FHDC1: variants seen among roughly 807,000 people sequenced by gnomAD.
FHDC1 encodes FH2 domain containing 1, also known as FH2 domain-containing protein 1.
In FHDC1, 25 loss-of-function variants were observed where a neutral mutation model predicts 52.6. That is an observed-to-expected ratio of 0.48 (90% CI 0.35 to 0.66). The LOEUF (loss-of-function observed/expected upper bound fraction) is 0.66. Ranked by LOEUF, FHDC1 falls within the 30% of genes least tolerant of loss-of-function variation. The pLI, the probability that FHDC1 is intolerant of heterozygous loss-of-function variation, is 0.01. For synonymous variants in FHDC1, 616 were observed against 581.5 expected (o/e 1.06, Z -0.85); for missense variants, 1,459 against 1,452.8 (o/e 1.00, Z -0.07).
At position 152,972,428 on chromosome 4, in the gene FHDC1, G is replaced by A; in HGVS notation, c.1270G>A (p.Asp424Asn). ...GGAATGCTGGAAACAAGAGCTCCAG[G>A]ATGAGGCCTACACCCTTATAGATTT... ...ELECWKQELQ[D>N]EAYTLIDFFC... The change falls in exon 11 of 12, where the codon GAT (aspartate) becomes AAT (asparagine). Residue 424 changes from aspartate to asparagine, a missense_variant. Physicochemically the swap from Asp to Asn is conservative, Grantham distance 23 (BLOSUM62 1). Coordinates refer to ENST00000511601, the MANE Select transcript of FHDC1 (RefSeq NM_001371116.1). 1 of 1,610,554 alleles carries A rather than the reference G, an allele frequency of 6.2e-7. No individual in the cohort carries two copies. The highest frequency in any genetic ancestry group is 8.5e-7 in the Non-Finnish European group (1 of 1,179,238).
At position 152,956,984 on chromosome 4, in the gene FHDC1, C is replaced by G. The variant is rs1740106791; in HGVS notation, c.663+2665C>G. 5.9e-5 allele frequency among the ~76,000 whole-genome samples: 9 copies of G among 152,314 alleles called. No individual in the cohort carries two copies. The South Asian group carries it at 1.2e-3, about 21-fold the overall frequency. On this transcript the variant is annotated intron_variant, in intron 4 of 11. Transcript: ENST00000511601. Reference sequence around the variant, plus strand: ...GGGGAAAGCCGAAGCCGCTCCCTGACTGCTGCCCACTGTAAGGACAAACTT... The same window carrying G: ...GGGGAAAGCCGAAGCCGCTCCCTGAGTGCTGCCCACTGTAAGGACAAACTT...
chr4:152,949,531 A>G lies in FHDC1; in HGVS notation c.499-3968A>G, dbSNP rs532762910. Among the ~76,000 whole-genome samples the G allele has an allele frequency of 4.1e-4, 63 of 152,366 alleles. 2 individuals carry two copies. Among genetic ancestry groups the G allele is most frequent in the Non-Finnish European group, 1.5e-5 (1 of 68,036 alleles). On this transcript the variant is annotated intron_variant, in intron 2 of 11. Transcript: ENST00000511601. Reference sequence around the variant, plus strand: ...TGATGGCAATTGTTATTTGTATTTTACCACAACTGAAAAAAAGTTTCTTCT... The same window carrying G: ...TGATGGCAATTGTTATTTGTATTTTGCCACAACTGAAAAAAAGTTTCTTCT...
chr4:152,962,593 C>T (rs907749390), intron 6 of FHDC1, among the ~76,000 whole-genome samples: 3 of 152,108 alleles, frequency 2.0e-5, no homozygotes, highest in Non-Finnish European at 1.5e-5. Context: ...ACTATCATAC[C>T]TATTTGATTT....
the FHDC1 span, among the ~76,000 whole-genome samples, chr4:152,930,273 T>C: frequency 6.6e-6 from 1 of 152,264 alleles, no homozygotes; most frequent in Non-Finnish European, 1.5e-5. Context: ...TGGCATAGTT[T>C]TGAGAAATCA....
At chr4:152,935,934 C>T (rs1384185484), upstream of FHDC1, among the ~76,000 whole-genome samples, 2 of 152,140 alleles carry the variant, frequency 1.3e-5, no homozygotes, top group Non-Finnish European at 2.9e-5. Flanking sequence ...TTGTGAAAGG[C>T]ACTTGCAGGT....
At chr4:152,920,822 T>C in the FHDC1 span, among the ~76,000 whole-genome samples, 29 of 152,136 alleles carry the variant, frequency 1.9e-4, no homozygotes, top group Admixed American at 7.2e-4. Context: ...TTCATTGTTC[T>C]ACCGAATTCT....
intron 2 of FHDC1, among the ~76,000 whole-genome samples, chr4:152,952,665 G>A (rs1739962700): frequency 6.6e-6 from 1 of 152,118 alleles, no homozygotes; most frequent in South Asian, 2.1e-4. Flanking sequence ...TAGATTATAT[G>A]CAAAATACTA....
chr4:152,976,460 G>A lies in FHDC1; in HGVS notation c.3169G>A (p.Ala1057Thr), dbSNP rs1305035410. ...AACAGATCTTCCTCCCGTGGCCAAA[G>A]CCCCCGGCATCACTCGGACAGTGTC... ...MRTDLPPVAK[A>T]PGITRTVSQR... The change falls in exon 12 of 12, where the codon GCC becomes ACC. Residue 1057 changes from alanine (A) to threonine (T), a missense_variant. Physicochemically the swap from Ala to Thr is moderately conservative, Grantham distance 58. This residue lies in a region of FHDC1 where 939 missense variants were observed against 854.5 expected (regional missense o/e 1.10). Coordinates refer to ENST00000511601, the MANE Select transcript of FHDC1 (RefSeq NM_001371116.1). 9.9e-6 allele frequency: 16 copies of A among 1,613,624 alleles called. No homozygotes were observed. Among genetic ancestry groups the A allele is most frequent in the Non-Finnish European group, 1.3e-5 (15 of 1,180,026 alleles).
rs749417906 is a variant in FHDC1 at position 152,978,353 on chromosome 4, CT to C, written c.*1632del. 3 of 152,192 alleles carry C rather than the reference CT, an allele frequency of 2.0e-5. No individual in the cohort carries two copies. The highest frequency in any genetic ancestry group is 4.4e-5 in the Non-Finnish European group (3 of 68,038). 9.4% of individuals were successfully genotyped at this position (152,192 alleles called of 1,614,324 possible). On this transcript the variant is annotated 3_prime_UTR_variant, in exon 12 of 12. Coordinates refer to ENST00000511601, the MANE Select transcript of FHDC1 (RefSeq NM_001371116.1). ...ATGGCCTGGAGAGAGTCTCTCTCTC[CT>C]TGTCTCTGTCTCTTAATAATAGTTT...
intron 10 of FHDC1, among the ~76,000 whole-genome samples, chr4:152,968,324 C>CTTGT (rs1033286730): frequency 1.3e-5 from 2 of 149,674 alleles, no homozygotes; most frequent in Middle Eastern, 3.4e-3. Flanking sequence ...GTTTGTTTGA[C>CTTGT]TTGTTTGTTT....
chr4:152,971,732 G>T (rs1740643727), intron 10 of FHDC1, among the ~76,000 whole-genome samples: 1 of 152,232 alleles, frequency 6.6e-6, no homozygotes, highest in African/African-American at 2.4e-5. Context: ...GGTGCTTTCA[G>T]AAAATATTAG....
intron 2 of FHDC1, among the ~76,000 whole-genome samples, chr4:152,952,259 A>G (rs914269594): frequency 1.3e-5 from 2 of 152,208 alleles, no homozygotes; most frequent in African/African-American, 2.4e-5. Flanking sequence ...TTTTACGTCC[A>G]TAAATCAGGG....
At chr4:152,955,646 C>A (rs759117449) in intron 4 of FHDC1, among the ~76,000 whole-genome samples, 24 of 152,068 alleles carry the variant, frequency 1.6e-4, no homozygotes, top group African/African-American at 4.6e-4. Context: ...CACCACGCCC[C>A]GCCTAACTTT....
intron 10 of FHDC1, among the ~76,000 whole-genome samples, chr4:152,970,876 G>C (rs549475510): frequency 6.6e-6 from 1 of 152,178 alleles, no homozygotes; most frequent in Non-Finnish European, 1.5e-5. Context: ...AGGTTCTGTA[G>C]CTCTCCACAC....
At chr4:152,953,098 C>T (rs528969080) in intron 2 of FHDC1, among the ~76,000 whole-genome samples, 1 of 151,910 alleles carries the variant, frequency 6.6e-6, no homozygotes, top group African/African-American at 2.4e-5. Flanking sequence ...GGTGCCACTG[C>T]ACTCCAGCCT....
intron 9 of FHDC1, among the ~76,000 whole-genome samples, chr4:152,967,011 T>C (rs1452976010): frequency 6.6e-6 from 1 of 152,132 alleles, no homozygotes; most frequent in Non-Finnish European, 1.5e-5. Flanking sequence ...TCCCAATTAC[T>C]TGGAAGGCTG....
At chr4:152,954,865 G>C (rs1740036527) in intron 4 of FHDC1, among the ~76,000 whole-genome samples, 2 of 152,012 alleles carry the variant, frequency 1.3e-5, no homozygotes, top group African/African-American at 4.8e-5. Context: ...GAGAAAATGG[G>C]GCAAGGTTCT....
chr4:152,959,219 C>A (rs918461770), intron 4 of FHDC1, among the ~76,000 whole-genome samples: 4 of 152,176 alleles, frequency 2.6e-5, no homozygotes, highest in Non-Finnish European at 5.9e-5. Flanking sequence ...GTACTACTTA[C>A]CATAAAGAAT....
the FHDC1 span, among the ~76,000 whole-genome samples, chr4:152,926,016 G>A: frequency 6.6e-6 from 1 of 151,922 alleles, no homozygotes; most frequent in Non-Finnish European, 1.5e-5. Context: ...GAAAAACAGA[G>A]GTTTCTCCCC....
Sources: gnomAD v4.1 joint callset for allele counts (sites outside exome capture counted in the v4.1 genomes callset) on GRCh38, gnomAD v4.1.1 for gene constraint, gnomAD v4.1.1 regional missense constraint, MANE v1.5 for transcripts, NCBI Gene and HGNC (gene_info 2026-07-23, HGNC 2026-07-21) for gene names.